Variants in PRR5L observed in about 807,000 individuals in gnomAD.
The protein encoded by PRR5L is proline rich 5 like.
PRR5L carries 21 observed loss-of-function variants against 36.4 expected under a neutral mutation model. The ratio of observed to expected loss-of-function variants is 0.58; its 90% CI spans 0.41 to 0.83. The LOEUF is 0.83. Ranked by LOEUF, PRR5L falls within the 40% of genes least tolerant of loss-of-function variation. The probability of loss-of-function intolerance (pLI) is 0.00; values close to 1 mark genes in which losing one functional copy is unlikely to be tolerated. For synonymous variants in PRR5L, 188 were observed against 197.0 expected (o/e 0.95, Z 0.38); for missense variants, 381 against 473.3 (o/e 0.80, Z 1.81).
At position 36,344,991 on chromosome 11, in the gene PRR5L, C is replaced by A. The variant is rs1856849755; in HGVS notation, c.-126+48553C>A. Among the ~76,000 whole-genome samples the A allele has an allele frequency of 6.6e-6, 1 of 152,142 alleles. No homozygotes were observed. The highest frequency in any genetic ancestry group is 1.5e-5 in the Non-Finnish European group (1 of 68,032). ...AAAACTAGTTCACAAAGATTTACAG[C>A]CTTCAGGAATGTTCCAGAAGGCTTT... is the stretch of plus-strand genomic sequence containing the variant. On this transcript the variant is annotated intron_variant, in intron 1 of 8. Coordinates refer to ENST00000530639, the MANE Select transcript of PRR5L (RefSeq NM_001160167.2). This position sits in a 1 kb window ranked among gnomAD's most constrained non-coding sequence, Gnocchi z 4.1.
chr11:36,411,437 T>C (rs887520825), intron 3 of PRR5L, among the ~76,000 whole-genome samples: 2 of 152,116 alleles, frequency 1.3e-5, no homozygotes, highest in Non-Finnish European at 2.9e-5. Context: ...GGTGAGATAA[T>C]GTAGACCAGT....
intron 1 of PRR5L, among the ~76,000 whole-genome samples, chr11:36,364,086 C>A (rs1857121147): frequency 6.6e-6 from 1 of 152,144 alleles, no homozygotes; most frequent in Non-Finnish European, 1.5e-5. Context: ...AATTTCAGCT[C>A]TGCCATTTGC....
intron 1 of PRR5L, among the ~76,000 whole-genome samples, chr11:36,368,941 C>T (rs563593876): frequency 5.3e-5 from 8 of 152,146 alleles, no homozygotes; most frequent in Admixed American, 3.3e-4. Context: ...TAAAGAGAGT[C>T]GTGAGACAAA....
At chr11:36,333,972 C>T (rs1856744287) in intron 1 of PRR5L, among the ~76,000 whole-genome samples, 1 of 152,222 alleles carries the variant, frequency 6.6e-6, no homozygotes, top group Non-Finnish European at 1.5e-5. Context: ...AACCCAGGAT[C>T]CCCTTTTTGT....
intron 1 of PRR5L, among the ~76,000 whole-genome samples, chr11:36,307,732 ACTT>A (rs1168289379): frequency 2.6e-5 from 4 of 152,182 alleles, no homozygotes; most frequent in South Asian, 2.1e-4. Flanking sequence ...TCAGGTGTGA[ACTT>A]CTTCTTCCTT....
At chr11:36,382,013 C>T (rs576164395) in intron 1 of PRR5L, among the ~76,000 whole-genome samples, 17 of 152,172 alleles carry the variant, frequency 1.1e-4, no homozygotes, top group African/African-American at 3.9e-4. Flanking sequence ...AAAAAATGAG[C>T]CGGGCATGGT....
intron 1 of PRR5L, among the ~76,000 whole-genome samples, chr11:36,328,045 A>G (rs185966950): frequency 4.7e-4 from 71 of 152,314 alleles, no homozygotes; most frequent in Non-Finnish European, 9.0e-4. Flanking sequence ...CTCTTGAAAT[A>G]TGTTACAGAG....
At chr11:36,427,416 A>G (rs1858405226) in intron 4 of PRR5L, among the ~76,000 whole-genome samples, 1 of 152,018 alleles carries the variant, frequency 6.6e-6, no homozygotes, top group Non-Finnish European at 1.5e-5. Context: ...TGGTGCCATC[A>G]GGCAAGGAGT....
intron 1 of PRR5L, among the ~76,000 whole-genome samples, chr11:36,382,589 G>A (rs1056012239): frequency 3.9e-5 from 6 of 152,170 alleles, no homozygotes; most frequent in Admixed American, 1.3e-4. Context: ...ACTACAATGC[G>A]GGTAGCAGGG....
At chr11:36,317,423 A>G (rs770724882) in intron 1 of PRR5L, among the ~76,000 whole-genome samples, 17 of 152,340 alleles carry the variant, frequency 1.1e-4, no homozygotes, top group Non-Finnish European at 1.8e-4. Flanking sequence ...ACTGTTTAGC[A>G]TGCACCAAAT....
intron 1 of PRR5L, among the ~76,000 whole-genome samples, chr11:36,366,422 GA>G (rs1857144538): frequency 6.6e-6 from 1 of 152,064 alleles, no homozygotes; most frequent in South Asian, 2.1e-4. Context: ...GTGAGAGAGA[GA>G]GAGAGAGGAC....
chr11:36,459,478 C>G (rs150892473), intron 8 of PRR5L, among the ~76,000 whole-genome samples: 3 of 152,138 alleles, frequency 2.0e-5, no homozygotes, highest in Non-Finnish European at 4.4e-5. Context: ...TCTGACCCAC[C>G]CTAGGGTTTC....
chr11:36,453,538 G>T (rs569321336), intron 8 of PRR5L, among the ~76,000 whole-genome samples: 134 of 152,332 alleles, frequency 8.8e-4, no homozygotes, highest in African/African-American at 2.9e-3. Flanking sequence ...AGGGAAGGAT[G>T]TGACCCTCTT....
chr11:36,375,470 TC>T (rs1450987318), intron 1 of PRR5L, among the ~76,000 whole-genome samples: 2 of 152,006 alleles, frequency 1.3e-5, no homozygotes, highest in Non-Finnish European at 2.9e-5. Context: ...AATGACCAAA[TC>T]AAAAAATGAA....
In PRR5L at chr11:36,403,383, G is replaced by A; in HGVS notation, c.245+5G>A. On this transcript the variant is annotated splice_donor_5th_base_variant and intron_variant, in intron 3 of 8. Coordinates refer to ENST00000530639, the MANE Select transcript of PRR5L (RefSeq NM_001160167.2). ...TGCCCTGAACGAAAACATCAGGTAT[G>A]TGGCAGGCCAGACTTGGTGCCATTT... 2 of 1,613,228 alleles carry A rather than the reference G, an allele frequency of 1.2e-6. No homozygotes were observed. The highest frequency in any genetic ancestry group is 4.5e-5 in the East Asian group (2 of 44,874).
chr11:36,432,163 G>GTTTTTGTTTTTGTTTTTGT (rs1043073490), intron 5 of PRR5L, among the ~76,000 whole-genome samples: 2 of 7,952 alleles, frequency 2.5e-4, no homozygotes, highest in South Asian at 4.4e-3. Flanking sequence ...GTTTTTTTTT[G>GTTTTTGTTTTTGTTTTTGT]TTTTGTTTTT....
chr11:36,377,444 C>G lies in PRR5L; in HGVS notation c.-125-23553C>G, dbSNP rs1400568734. 6.6e-6 allele frequency: 1 copy of G among 152,386 alleles called. No homozygotes were observed. Among genetic ancestry groups the G allele is most frequent in the East Asian group, 1.9e-4 (1 of 5,180 alleles). 9.4% of individuals were successfully genotyped at this position (152,386 alleles called of 1,614,324 possible). On this transcript the variant is annotated intron_variant, in intron 1 of 8. Coordinates refer to ENST00000530639, the MANE Select transcript of PRR5L (RefSeq NM_001160167.2). The surrounding 1 kb of genome is among the most constrained non-coding windows in gnomAD (Gnocchi z 5.1). Reference sequence around the variant, plus strand: ...CTGCGCGCTTACTGTGCGCGCATGCCGGGCTCGCTGCACGCAGGGGGCGCT... The same window carrying G: ...CTGCGCGCTTACTGTGCGCGCATGCGGGGCTCGCTGCACGCAGGGGGCGCT...
chr11:36,299,424 C>G (rs552944036), intron 1 of PRR5L, among the ~76,000 whole-genome samples: 1 of 152,332 alleles, frequency 6.6e-6, no homozygotes, highest in East Asian at 1.9e-4. Flanking sequence ...ACACCACCAA[C>G]TGTTCTTCTC....
chr11:36,352,636 G>A (rs768947962), intron 1 of PRR5L, among the ~76,000 whole-genome samples: 6 of 150,346 alleles, frequency 4.0e-5, no homozygotes, highest in Non-Finnish European at 8.9e-5. Context: ...TCCTCAGTAT[G>A]GATCCCCAAT....
Sources: gnomAD v4.1 joint callset for allele counts (sites outside exome capture counted in the v4.1 genomes callset) on GRCh38, gnomAD v4.1.1 for gene constraint, Gnocchi (gnomAD v3.1) non-coding constraint, MANE v1.5 for transcripts, NCBI Gene and HGNC (gene_info 2026-07-23, HGNC 2026-07-21) for gene names.